Variants in XYLT1 observed in about 807,000 individuals in gnomAD.
XYLT1 encodes the protein beta-D-xylosyltransferase 1.
A neutral mutation model predicts 91.3 loss-of-function variants in XYLT1; 36 were observed. That is an observed-to-expected ratio of 0.39 (90% CI 0.30 to 0.52). The LOEUF is 0.52. Among genes scored for constraint, XYLT1 ranks in the 20% least tolerant of loss-of-function variants. The probability of loss-of-function intolerance (pLI) is 0.68; values close to 1 mark genes in which losing one functional copy is unlikely to be tolerated. For synonymous variants in XYLT1, 588 were observed against 532.0 expected (o/e 1.11, Z -1.45); for missense variants, 1,242 against 1,284.5 (o/e 0.97, Z 0.51).
At chr16:17,142,429 TA>T (rs372039354) in intron 6 of XYLT1, among the ~76,000 whole-genome samples, 1 of 120,362 alleles carries the variant, frequency 8.3e-6, no homozygotes, top group Non-Finnish European at 1.8e-5. Context: ...TTAAATCCTG[TA>T]ATTTTTTTTT....
chr16:17,413,179 C>A (rs1281345619), intron 1 of XYLT1, among the ~76,000 whole-genome samples: 1 of 152,084 alleles, frequency 6.6e-6, no homozygotes, highest in East Asian at 1.9e-4. Context: ...CCTATTTGTG[C>A]CCCCGGGACC....
intron 3 of XYLT1, among the ~76,000 whole-genome samples, chr16:17,229,573 G>A (rs966763632): frequency 3.3e-5 from 5 of 152,200 alleles, no homozygotes; most frequent in East Asian, 3.9e-4. Flanking sequence ...TAGGCCAGGT[G>A]GGGGCAGAGG....
rs1047297276 is a variant in XYLT1, at chr16:17,106,238, A to C, written c.*2457T>G. 1 of 152,216 alleles carries C rather than the reference A, an allele frequency of 6.6e-6. No individual in the cohort carries two copies. The highest frequency in any genetic ancestry group is 1.9e-4 in the East Asian group (1 of 5,182). 9.4% of individuals were successfully genotyped at this position (152,216 alleles called of 1,614,324 possible). A position where few individuals can be genotyped will look rare whatever the true frequency, so the allele number is the denominator to read the frequency against. On this transcript the variant is annotated 3_prime_UTR_variant, in exon 12 of 12. Coordinates refer to ENST00000261381, the MANE Select transcript of XYLT1 (RefSeq NM_022166.4). ...GGGACTTGCCACTGCTGAGTCCCCA[A>C]AGCCACTGCAAATAACGCTGCGAAC...
rs556599906 is a variant in XYLT1, at chr16:17,316,891, G to A, written c.402+41121C>T. 4.7e-5 allele frequency among the ~76,000 whole-genome samples: 7 copies of A among 147,426 alleles called. No individual in the cohort carries two copies. The South Asian group carries it at 6.5e-4, about 14-fold the overall frequency. On this transcript the variant is annotated intron_variant, in intron 2 of 11. Coordinates refer to ENST00000261381, the MANE Select transcript of XYLT1 (RefSeq NM_022166.4). ...GGCTGGAGTGCAGTGGCGCAATCTC[G>A]GCTCACTGCAGGCTCCGTCACCTGG...
rs72775974 is a variant in XYLT1, at chr16:17,139,490, G to A, written c.1588-959C>T. On this transcript the variant is annotated intron_variant, in intron 7 of 11. Coordinates refer to ENST00000261381, the MANE Select transcript of XYLT1 (RefSeq NM_022166.4). Reference sequence around the variant, plus strand: ...TTTGGTCACCAGTATCGTGGTGGGCGTCTTGATTAAAAATAGCCAAACTCC... The same window carrying A: ...TTTGGTCACCAGTATCGTGGTGGGCATCTTGATTAAAAATAGCCAAACTCC... Among the ~76,000 whole-genome samples, 792 of 152,292 alleles carry A rather than the reference G, an allele frequency of 5.2e-3. 2 individuals carry two copies. Among genetic ancestry groups the A allele is most frequent in the Non-Finnish European group, 7.5e-3 (507 of 68,024 alleles).
chr16:17,215,218 T>C (rs2141602932), intron 3 of XYLT1, among the ~76,000 whole-genome samples: 1 of 152,322 alleles, frequency 6.6e-6, no homozygotes, highest in East Asian at 1.9e-4. Context: ...TAGCCAGGCA[T>C]GGTGGTAGGC....
intron 1 of XYLT1, among the ~76,000 whole-genome samples, chr16:17,413,119 C>T (rs1007531662): frequency 1.3e-5 from 2 of 152,204 alleles, no homozygotes; most frequent in Admixed American, 6.5e-5. Flanking sequence ...GCCTGACACG[C>T]AGTAGGCAGT....
chr16:17,259,750 A>G (rs921284274), intron 2 of XYLT1, among the ~76,000 whole-genome samples: 21 of 152,188 alleles, frequency 1.4e-4, no homozygotes, highest in African/African-American at 4.8e-4. Flanking sequence ...ACGATTCTCA[A>G]TGCTTCTTAT....
At chr16:17,160,738 G>A (rs901227524) in intron 5 of XYLT1, among the ~76,000 whole-genome samples, 7 of 152,108 alleles carry the variant, frequency 4.6e-5, no homozygotes, top group Admixed American at 6.5e-5. Context: ...AAACCCCATC[G>A]TGCATGCCAA....
At chr16:17,163,726 G>A (rs1232767663) in intron 5 of XYLT1, among the ~76,000 whole-genome samples, 3 of 152,188 alleles carry the variant, frequency 2.0e-5, no homozygotes, top group Non-Finnish European at 2.9e-5. Context: ...CTCCTGGACT[G>A]CAATGAACGA....
At chr16:17,128,358 C>G (rs1165170323) in intron 9 of XYLT1, among the ~76,000 whole-genome samples, 1 of 152,180 alleles carries the variant, frequency 6.6e-6, no homozygotes, top group East Asian at 1.9e-4. Flanking sequence ...TCTCTGAAGA[C>G]ACGATTTTGT....
intron 2 of XYLT1, among the ~76,000 whole-genome samples, chr16:17,314,458 C>T (rs2034595351): frequency 6.6e-6 from 1 of 152,312 alleles, no homozygotes; most frequent in South Asian, 2.1e-4. Context: ...CTACAGGCTT[C>T]CCTTGGAGCA....
chr16:17,189,573 T>C (rs1054952223), intron 5 of XYLT1, among the ~76,000 whole-genome samples: 11 of 152,342 alleles, frequency 7.2e-5, no homozygotes, highest in African/African-American at 2.4e-4. Flanking sequence ...GCTGAGTATA[T>C]TGACTGATAA....
At chr16:17,429,822 C>G (rs948042973) in intron 1 of XYLT1, among the ~76,000 whole-genome samples, 4 of 152,124 alleles carry the variant, frequency 2.6e-5, no homozygotes, top group African/African-American at 9.7e-5. Context: ...TTCTCAGACC[C>G]TTGGCCTGGG....
intron 3 of XYLT1, among the ~76,000 whole-genome samples, chr16:17,208,939 C>T (rs1311688101): frequency 3.3e-5 from 5 of 152,152 alleles, no homozygotes; most frequent in Non-Finnish European, 4.4e-5. Context: ...GTCGGCCAGG[C>T]TGGTCTCAAA....
chr16:17,452,470 T>C (rs2036679869), intron 1 of XYLT1, among the ~76,000 whole-genome samples: 1 of 152,096 alleles, frequency 6.6e-6, no homozygotes, highest in South Asian at 2.1e-4. Context: ...TTATTTTAAT[T>C]ATTTTACTCT....
intron 3 of XYLT1, among the ~76,000 whole-genome samples, chr16:17,233,712 A>C (rs2033202406): frequency 6.6e-6 from 1 of 152,216 alleles, no homozygotes; most frequent in Non-Finnish European, 1.5e-5. Flanking sequence ...TGAGCAAGCA[A>C]GCCTGGGCCT....
chr16:17,129,714 A>G (rs1351660658), intron 9 of XYLT1, among the ~76,000 whole-genome samples: 2 of 152,180 alleles, frequency 1.3e-5, no homozygotes, highest in African/African-American at 4.8e-5. Context: ...AATATGGCCA[A>G]TGTGACTGAG....
chr16:17,141,056 G>T (rs1347863346), intron 7 of XYLT1, 97 bp downstream of exon 7: 2 of 1,198,272 alleles, frequency 1.7e-6, no homozygotes, highest in Non-Finnish European at 2.4e-6. Context: ...AATGTAGGTG[G>T]ACCCAGAATC....
Sources: allele counts gnomAD v4.1 joint callset (sites outside exome capture counted in the v4.1 genomes callset), GRCh38; gene constraint gnomAD v4.1.1; transcripts MANE v1.5; gene names NCBI Gene and HGNC (gene_info 2026-07-23, HGNC 2026-07-21).